Variants in PAK3 observed in about 807,000 individuals in gnomAD.
PAK3 encodes serine/threonine-protein kinase PAK 3.
Under a neutral mutation model 41.0 loss-of-function variants are expected in PAK3, and 4 were observed. The observed-to-expected ratio is 0.10, with a 90% CI of 0.05 to 0.22. The LOEUF is 0.22. Among genes scored for constraint, PAK3 ranks in the 10% least tolerant of loss-of-function variants. The pLI, the probability that PAK3 is intolerant of heterozygous loss-of-function variation, is 1.00. For missense variants in PAK3, 205 were observed against 409.9 expected (o/e 0.50, Z 4.32); for synonymous variants, 146 against 139.6 (o/e 1.05, Z -0.32).
At chrX:111,202,444 C>T (rs1329858383) in intron 16 of PAK3, among the ~76,000 whole-genome samples, 1 of 111,272 alleles carries the variant, frequency 9.0e-6, no homozygotes, top group African/African-American at 3.3e-5. Context: ...TGTTCTGTGA[C>T]CTATAGACAG....
At chrX:111,012,736 T>C (rs754770353) in intron 1 of PAK3, among the ~76,000 whole-genome samples, 4 of 112,396 alleles carry the variant, frequency 3.6e-5, no homozygotes, top group Non-Finnish European at 7.5e-5. Context: ...GGGTTCACTG[T>C]AAAATTATTT....
chrX:111,064,854 C>G (rs2092688284), intron 1 of PAK3, among the ~76,000 whole-genome samples: 2 of 112,173 alleles, frequency 1.8e-5, no homozygotes, highest in Non-Finnish European at 3.8e-5. Flanking sequence ...GTTTTAAGTT[C>G]TTTGAGAAAT....
Position 111,068,748 on chromosome X carries a change from G to A in PAK3, c.-27-54329G>A, listed in dbSNP as rs774651314. 4.4e-5 allele frequency among the ~76,000 whole-genome samples: 5 copies of A among 112,849 alleles called. No homozygotes were observed. The South Asian group carries it at 1.8e-3, about 41-fold the overall frequency. The stretch of plus-strand genomic sequence containing the variant: ...AATATTGCTTTACCTGCATCTAACA[G>A]ACTTGGATATATACTTCACTCATCA... On this transcript the variant is annotated intron_variant, in intron 1 of 14. Coordinates refer to the PAK3 transcript ENST00000425146.
At chrX:110,961,004 AT>A (rs927776069) in intron 1 of PAK3, among the ~76,000 whole-genome samples, 2 of 110,652 alleles carry the variant, frequency 1.8e-5, no homozygotes, top group Non-Finnish European at 1.9e-5. Flanking sequence ...GTGTCAATAT[AT>A]TTTTTTTCCT....
rs1308279330 is a variant in PAK3, at chrX:111,221,701, A to C, written c.*1254A>C. On this transcript the variant is annotated 3_prime_UTR_variant, in exon 18 of 18. Coordinates refer to ENST00000372007, the MANE Select transcript of PAK3 (RefSeq NM_002578.5). ...GGAGGTCAGTGAAGGCTACATCCCA[A>C]TCAATATTTGGCTCTAAGTACCTCT... The C allele has an allele frequency of 8.9e-6, 1 of 111,947 alleles. No individual in the cohort carries two copies. The highest frequency in any genetic ancestry group is 3.2e-5 in the African/African-American group (1 of 30,842). The allele number at this position is 111,947 out of a possible 1,213,427, so 9.2% of individuals were successfully genotyped here. A position where few individuals can be genotyped will look rare whatever the true frequency, so the allele number is the denominator to read the frequency against.
chrX:111,080,170 G>C (rs999847909), intron 1 of PAK3, among the ~76,000 whole-genome samples: 1 of 112,186 alleles, frequency 8.9e-6, no homozygotes, highest in Non-Finnish European at 1.9e-5. Context: ...AATTTTGAAA[G>C]AGTTCTGCTG....
At chrX:111,212,583 A>G (rs1460460270) in intron 16 of PAK3, among the ~76,000 whole-genome samples, 2 of 111,929 alleles carry the variant, frequency 1.8e-5, no homozygotes, top group Admixed American at 9.5e-5. Flanking sequence ...GGATTTTTGC[A>G]ATGGAAATTA....
At chrX:111,043,274 A>G (rs1402855112) in intron 1 of PAK3, among the ~76,000 whole-genome samples, 1 of 107,103 alleles carries the variant, frequency 9.3e-6, no homozygotes. Context: ...AGCCTGGGTG[A>G]TAGAATGAGA....
intron 1 of PAK3, among the ~76,000 whole-genome samples, chrX:111,075,865 C>T (rs1409706585): frequency 8.9e-6 from 1 of 112,753 alleles, no homozygotes; most frequent in Non-Finnish European, 1.9e-5. Context: ...ACCTTGGGAG[C>T]CCATCCCTCA....
chrX:111,105,868 A>G (rs1287607874), intron 4 of PAK3, among the ~76,000 whole-genome samples: 3 of 111,438 alleles, frequency 2.7e-5, no homozygotes, highest in African/African-American at 9.8e-5. Context: ...TACCCTCTCA[A>G]ACTCAAGCAC....
chrX:111,160,545 C>T (rs1391600858), intron 8 of PAK3, among the ~76,000 whole-genome samples: 1 of 108,704 alleles, frequency 9.2e-6, no homozygotes, highest in Non-Finnish European at 1.9e-5. Context: ...ATACATGTGC[C>T]ATGTTGGTGT....
At chrX:111,106,471 C>T (rs1482105368) in intron 4 of PAK3, among the ~76,000 whole-genome samples, 1 of 111,490 alleles carries the variant, frequency 9.0e-6, no homozygotes. Context: ...AACACTCTCC[C>T]GTAATCCACC....
intron 1 of PAK3, among the ~76,000 whole-genome samples, chrX:110,958,901 C>G (rs2090920663): frequency 8.9e-6 from 1 of 111,881 alleles, no homozygotes; most frequent in Admixed American, 9.5e-5. Context: ...TTCAACCTTA[C>G]TCTTCTTGCC....
intron 1 of PAK3, among the ~76,000 whole-genome samples, chrX:110,998,442 C>T (rs994231479): frequency 1.3e-4 from 15 of 112,085 alleles, no homozygotes; most frequent in African/African-American, 4.9e-4. Flanking sequence ...AATTTTGTAA[C>T]ATAAAGGTCA....
intron 1 of PAK3, among the ~76,000 whole-genome samples, chrX:110,951,907 C>A (rs920901696): frequency 8.9e-6 from 1 of 112,180 alleles, no homozygotes; most frequent in African/African-American, 3.2e-5. Flanking sequence ...TGGAAAAAAT[C>A]TACTGCTGCA....
At chrX:111,102,088 G>T (rs1177204029) in intron 3 of PAK3, among the ~76,000 whole-genome samples, 1 of 111,869 alleles carries the variant, frequency 8.9e-6, no homozygotes, top group Non-Finnish European at 1.9e-5. Context: ...TTAGCATGTA[G>T]TTTCTGCTTT....
intron 1 of PAK3, among the ~76,000 whole-genome samples, chrX:111,043,139 A>G (rs1036404351): frequency 2.7e-5 from 3 of 110,497 alleles, no homozygotes; most frequent in Non-Finnish European, 5.7e-5. Flanking sequence ...AAAAAAATGT[A>G]AAAGATTAGC....
At chrX:111,107,473 G>T (rs1011371914) in intron 4 of PAK3, among the ~76,000 whole-genome samples, 3 of 112,350 alleles carry the variant, frequency 2.7e-5, no homozygotes, top group African/African-American at 9.7e-5. Flanking sequence ...AGATTTCCCT[G>T]CAAGTGGATA....
At chrX:111,147,091 G>A (rs1392827808) in intron 6 of PAK3, among the ~76,000 whole-genome samples, 1 of 110,934 alleles carries the variant, frequency 9.0e-6, no homozygotes, top group East Asian at 2.8e-4. Context: ...ATGCCCTGGA[G>A]AAAGCTGCAG....
Sources: gnomAD v4.1 joint callset for allele counts (sites outside exome capture counted in the v4.1 genomes callset) on GRCh38, gnomAD v4.1.1 for gene constraint, MANE v1.5 for transcripts, NCBI Gene and HGNC (gene_info 2026-07-23, HGNC 2026-07-21) for gene names.